The following AGPAT4 variants were observed in gnomAD, a reference collection of about 807,000 sequenced individuals.
AGPAT4 encodes 1-acyl-sn-glycerol-3-phosphate acyltransferase delta.
A neutral mutation model predicts 48.0 loss-of-function variants in AGPAT4; 15 were observed. The ratio of observed to expected loss-of-function variants is 0.31; its 90% CI spans 0.21 to 0.48. AGPAT4 has a LOEUF of 0.48. Ranked by LOEUF, AGPAT4 falls within the 20% of genes least tolerant of loss-of-function variation. The pLI is 0.99. For missense variants in AGPAT4, 314 were observed against 482.5 expected, an observed-to-expected ratio of 0.65 and a Z score of 3.27; for synonymous variants, 178 against 198.7, an observed-to-expected ratio of 0.90 and a Z score of 0.88.
In AGPAT4 at chr6:161,189,460, CCA is replaced by C. The variant is rs1780861113; in HGVS notation, c.179-23045_179-23044del. Reference sequence around the variant, plus strand: ...CACATGTATTGTACACACACTGTAGCCACACAGTGAGTGAGGCTCGTCACATG... The same window carrying C: ...CACATGTATTGTACACACACTGTAGCCACAGTGAGTGAGGCTCGTCACATG... On this transcript the variant is annotated intron_variant, in intron 2 of 8. Transcript: ENST00000320285. The surrounding 1 kb of genome is among the most constrained non-coding windows in gnomAD (Gnocchi z 5.3). Among the ~76,000 whole-genome samples, 1 of 152,178 alleles carries C rather than the reference CCA, an allele frequency of 6.6e-6. No individual in the cohort carries two copies. The highest frequency in any genetic ancestry group is 6.5e-5 in the Admixed American group (1 of 15,280).
At position 161,158,821 on chromosome 6, in the gene AGPAT4, A is replaced by C. The variant is rs1260735066; in HGVS notation, c.349-4511T>G. On this transcript the variant is annotated intron_variant, in intron 3 of 8. Transcript: ENST00000320285. The surrounding 1 kb of genome is among the most constrained non-coding windows in gnomAD (Gnocchi z 5.3). ...GAAGATTCCAAACCCCGGTGCTGCGAGCAGCATGGCTGGGAGCAGCAGGGT... is the reference window on the plus strand; with the variant it reads ...GAAGATTCCAAACCCCGGTGCTGCGCGCAGCATGGCTGGGAGCAGCAGGGT... Among the ~76,000 whole-genome samples the C allele has an allele frequency of 2.0e-5, 3 of 152,196 alleles. No individual in the cohort carries two copies. Among genetic ancestry groups the C allele is most frequent in the African/African-American group, 4.8e-5 (2 of 41,464 alleles).
In AGPAT4 at chr6:161,272,031, G is replaced by C. The variant is rs1783439574; in HGVS notation, c.-90+1907C>G. Reference sequence around the variant, plus strand: ...ATATTCTTTTTAGTAATACTTTTCTGTGTGTTATGCCCTTTAAATAGTTCT... The same window carrying C: ...ATATTCTTTTTAGTAATACTTTTCTCTGTGTTATGCCCTTTAAATAGTTCT... On this transcript the variant is annotated intron_variant, in intron 1 of 8. Coordinates refer to ENST00000320285, the MANE Select transcript of AGPAT4 (RefSeq NM_020133.3). The surrounding 1 kb of genome is among the most constrained non-coding windows in gnomAD (Gnocchi z 4.2). Among the ~76,000 whole-genome samples, 4 of 152,182 alleles carry C rather than the reference G, an allele frequency of 2.6e-5. No homozygotes were observed. The South Asian group carries it at 8.3e-4, about 32-fold the overall frequency.
At chr6:161,181,516 G>A (rs1482967859) in intron 2 of AGPAT4, among the ~76,000 whole-genome samples, 1 of 150,358 alleles carries the variant, frequency 6.7e-6, no homozygotes, top group Admixed American at 6.6e-5. Context: ...GGGGCGGGGG[G>A]CGCTTCCTAA....
chr6:161,157,018 G>C (rs1027396878), intron 3 of AGPAT4, among the ~76,000 whole-genome samples: 3 of 152,178 alleles, frequency 2.0e-5, no homozygotes, highest in African/African-American at 7.2e-5. Flanking sequence ...GTAAATCTCT[G>C]TTCAAGACTC....
Position 161,272,735 on chromosome 6 carries a change from CACA to C in AGPAT4, c.-90+1200_-90+1202del, listed in dbSNP as rs1349425238. Among the ~76,000 whole-genome samples, 1 of 145,656 alleles carries C rather than the reference CACA, an allele frequency of 6.9e-6. No homozygotes were observed. The highest frequency in any genetic ancestry group is 6.8e-5 in the Admixed American group (1 of 14,804). On this transcript the variant is annotated intron_variant, in intron 1 of 8. Transcript: ENST00000320285. The surrounding 1 kb of genome is among the most constrained non-coding windows in gnomAD (Gnocchi z 4.2). ...ACACACACACACACACACACACAAA[CACA>C]CACATTCTCCCTTCTCTCAAGATAC...
At position 161,140,710 on chromosome 6, in the gene AGPAT4, G is replaced by A. The variant is rs73786005; in HGVS notation, c.844-1090C>T. 2.0e-5 allele frequency among the ~76,000 whole-genome samples: 3 copies of A among 152,326 alleles called. No homozygotes were observed. Among genetic ancestry groups the A allele is most frequent in the Admixed American group, 6.5e-5 (1 of 15,310 alleles). ...GTGGCACCAGGATGCCCGCTGGCCC[G>A]TCTAAGGGCAGGTCCTGGCCGTGAG... On this transcript the variant is annotated intron_variant, in intron 7 of 8. Transcript: ENST00000320285. This position sits in a 1 kb window ranked among gnomAD's most constrained non-coding sequence, Gnocchi z 6.5.
At position 161,161,184 on chromosome 6, in the gene AGPAT4, C is replaced by G; in HGVS notation, c.348+5064G>C. On this transcript the variant is annotated intron_variant, in intron 3 of 8. Transcript: ENST00000320285. This position sits in a 1 kb window ranked among gnomAD's most constrained non-coding sequence, Gnocchi z 4.6. ...ATCAGACTCTGGCTTGTTAAAGACA[C>G]TGCCAGAGGATCCTGGTCAACAAAG... The G allele has an allele frequency of 2.2e-6, 1 of 456,728 alleles. No individual in the cohort carries two copies. The highest frequency in any genetic ancestry group is 4.4e-6 in the Non-Finnish European group (1 of 226,966). The allele number at this position is 456,728 out of a possible 1,614,324, so 28.3% of individuals were successfully genotyped here.
chr6:161,228,575 CTTTTT>C (rs10564297), intron 2 of AGPAT4, among the ~76,000 whole-genome samples: 15 of 108,662 alleles, frequency 1.4e-4, no homozygotes, highest in East Asian at 2.7e-4. Flanking sequence ...CACCCCCTGC[CTTTTT>C]TTTTTTTTTT....
At chr6:161,160,501 C>T (rs1036701727) in intron 3 of AGPAT4, 1 of 163,362 alleles carries the variant, frequency 6.1e-6, no homozygotes, top group Non-Finnish European at 1.4e-5. Flanking sequence ...ACTTTATCCA[C>T]GTGGGACAGA....
intron 1 of AGPAT4, among the ~76,000 whole-genome samples, chr6:161,271,949 T>C (rs1444520820): frequency 6.6e-6 from 1 of 152,238 alleles, no homozygotes; most frequent in African/African-American, 2.4e-5. Flanking sequence ...AAACATCAGA[T>C]GCTCACAATC....
rs916945784 is a variant in AGPAT4, at chr6:161,251,025, A to C, written c.-89-18723T>G. The stretch of plus-strand genomic sequence containing the variant: ...CAACTTTTTCAGTTTGTTTATTTTT[A>C]TTCTTAGCTTATTGGAGGTTTAAAT... On this transcript the variant is annotated intron_variant, in intron 1 of 8. Transcript: ENST00000320285. This position sits in a 1 kb window ranked among gnomAD's most constrained non-coding sequence, Gnocchi z 4.6. Among the ~76,000 whole-genome samples, 2 of 152,012 alleles carry C rather than the reference A, an allele frequency of 1.3e-5. No individual in the cohort carries two copies. The highest frequency in any genetic ancestry group is 1.5e-5 in the Non-Finnish European group (1 of 67,980).
chr6:161,153,216 C>G, intron 5 of AGPAT4, 130 bp downstream of exon 5: 1 of 1,274,476 alleles, frequency 7.8e-7, no homozygotes, highest in South Asian at 1.5e-5. Flanking sequence ...TGGACTTGAG[C>G]AGCCACTCTG....
At chr6:161,228,283 T>G (rs1782034877) in intron 2 of AGPAT4, among the ~76,000 whole-genome samples, 1 of 152,274 alleles carries the variant, frequency 6.6e-6, no homozygotes, top group South Asian at 2.1e-4. Context: ...GATGTGTAAT[T>G]TTGCAGGCTG....
chr6:161,250,464 C>T (rs1476025344), intron 1 of AGPAT4, among the ~76,000 whole-genome samples: 1 of 152,134 alleles, frequency 6.6e-6, no homozygotes, highest in Non-Finnish European at 1.5e-5. Flanking sequence ...ATATCCTTCT[C>T]ATAATTATAC....
In AGPAT4 at chr6:161,221,758, G is replaced by A. The variant is rs1781841286; in HGVS notation, c.178+10278C>T. Among the ~76,000 whole-genome samples the A allele has an allele frequency of 2.6e-5, 4 of 152,286 alleles. No homozygotes were observed. The South Asian group carries it at 8.3e-4, about 32-fold the overall frequency. On this transcript the variant is annotated intron_variant, in intron 2 of 8. Transcript: ENST00000320285. This position sits in a 1 kb window ranked among gnomAD's most constrained non-coding sequence, Gnocchi z 4.5. ...TCTGTGTCACAGCTCTCTCCCAGCG[G>A]CTGGGAGCCAGGTGTTCCTTGGCTT...
intron 2 of AGPAT4, among the ~76,000 whole-genome samples, chr6:161,173,993 C>T (rs534221793): frequency 1.3e-5 from 2 of 152,198 alleles, no homozygotes; most frequent in East Asian, 1.9e-4. Context: ...CTGTTCTGTT[C>T]CATTGGTCTA....
rs1780201243 is a variant in AGPAT4 at position 161,169,340 on chromosome 6, CGA to C, written c.179-2925_179-2924del. Among the ~76,000 whole-genome samples, 1 of 152,166 alleles carries C rather than the reference CGA, an allele frequency of 6.6e-6. No homozygotes were observed. Among genetic ancestry groups the C allele is most frequent in the South Asian group, 2.1e-4 (1 of 4,828 alleles). ...TTAGCGGGTGACTACATCAGCACAG[CGA>C]GAGGGGATGGTGCTGGGACCAGGTG... On this transcript the variant is annotated intron_variant, in intron 2 of 8. Transcript: ENST00000320285. This position sits in a 1 kb window ranked among gnomAD's most constrained non-coding sequence, Gnocchi z 5.0.
Position 161,264,942 on chromosome 6 carries a change from T to C in AGPAT4, c.-90+8996A>G, listed in dbSNP as rs1783207582. On this transcript the variant is annotated intron_variant, in intron 1 of 8. Transcript: ENST00000320285. The surrounding 1 kb of genome is among the most constrained non-coding windows in gnomAD (Gnocchi z 6.8). ...TTCAGGCAGGGCAGGGTGCTGGTCCTGGGAAGGAAGTAAAGGTGGCCCCTC... is the reference window on the plus strand; with the variant it reads ...TTCAGGCAGGGCAGGGTGCTGGTCCCGGGAAGGAAGTAAAGGTGGCCCCTC... Among the ~76,000 whole-genome samples the C allele has an allele frequency of 6.6e-6, 1 of 151,910 alleles. No homozygotes were observed. Among genetic ancestry groups the C allele is most frequent in the African/African-American group, 2.4e-5 (1 of 41,346 alleles).
rs73019338 is a variant in AGPAT4 at position 161,267,433 on chromosome 6, A to G, written c.-90+6505T>C. Among the ~76,000 whole-genome samples the G allele has an allele frequency of 0.049, 7,519 of 152,182 alleles. 303 individuals are homozygous for G. The highest frequency in any genetic ancestry group is 0.24 in the East Asian group (1,223 of 5,170). ...ATTATTTGAAAAATATTAGCTGGGG[A>G]ACGGGCGCAGTGGCTCACATCTGTA... On this transcript the variant is annotated intron_variant, in intron 1 of 8. Transcript: ENST00000320285. This position sits in a 1 kb window ranked among gnomAD's most constrained non-coding sequence, Gnocchi z 5.2.
Sources: allele counts gnomAD v4.1 joint callset (sites outside exome capture counted in the v4.1 genomes callset), GRCh38; gene constraint gnomAD v4.1.1; non-coding constraint Gnocchi (gnomAD v3.1); transcripts MANE v1.5; gene names NCBI Gene and HGNC (gene_info 2026-07-23, HGNC 2026-07-21).